ACCSL: variants seen among roughly 807,000 people sequenced by gnomAD.
ACCSL encodes the protein probable inactive 1-aminocyclopropane-1-carboxylate synthase-like protein 2.
In ACCSL, 55 loss-of-function variants were observed where a neutral mutation model predicts 61.7. That is an observed-to-expected ratio of 0.89 (90% CI 0.72 to 1.12). The LOEUF (loss-of-function observed/expected upper bound fraction) is 1.12. Ranked by LOEUF, ACCSL falls within the 50% of genes most tolerant of loss-of-function variation. The pLI, the probability that ACCSL is intolerant of heterozygous loss-of-function variation, is 0.00. For missense variants in ACCSL, 632 were observed against 698.0 expected (o/e 0.91, Z 1.07); for synonymous variants, 258 against 264.3 (o/e 0.98, Z 0.23).
At chr11:44,049,689 A>G (rs1057015512) in intron 1 of ACCSL, among the ~76,000 whole-genome samples, 2 of 152,150 alleles carry the variant, frequency 1.3e-5, no homozygotes, top group African/African-American at 4.8e-5. Context: ...GTAGAGTTCT[A>G]CTTTTCACCC....
chr11:44,024,034 A>G, the ACCSL span, among the ~76,000 whole-genome samples: 2 of 152,130 alleles, frequency 1.3e-5, no homozygotes, highest in East Asian at 3.9e-4. Context: ...ATTATACATT[A>G]TTTCTCAGTG....
chr11:44,026,880 C>T, the ACCSL span, among the ~76,000 whole-genome samples: 1 of 152,076 alleles, frequency 6.6e-6, no homozygotes, highest in Admixed American at 6.5e-5. Flanking sequence ...CAGGCATGTG[C>T]TACTACGCCT....
At position 44,048,243 on chromosome 11, in the gene ACCSL, C is replaced by A; in HGVS notation, c.207C>A (p.Ala69=). 6.2e-7 allele frequency: 1 copy of A among 1,614,160 alleles called. No homozygotes were observed. The highest frequency in any genetic ancestry group is 8.5e-7 in the Non-Finnish European group (1 of 1,180,024). The change falls in exon 1 of 14, where the codon GCC becomes GCA. Residue 69 remains alanine, a synonymous_variant. Coordinates refer to ENST00000378832, the MANE Select transcript of ACCSL (RefSeq NM_001031854.2). The part of the protein sequence containing the change: ...RHTEAICEHE[A]LLSRLICRMI... ...CTGAGGCCATCTGTGAGCATGAAGCCCTTCTGAGTCGCTTAATATGCCGGA... is the reference window on the plus strand; with the variant it reads ...CTGAGGCCATCTGTGAGCATGAAGCACTTCTGAGTCGCTTAATATGCCGGA...
chr11:43,943,940 G>C, the ACCSL span: 1 of 1,041,694 alleles, frequency 9.6e-7, no homozygotes, highest in Non-Finnish European at 1.3e-6. The surrounding 1 kb of genome is among the most constrained non-coding windows in gnomAD (Gnocchi z 4.8). Context: ...AAGACTCGGG[G>C]AGGTGGGGGA....
Position 44,048,373 on chromosome 11 carries a change from C to A in ACCSL, c.337C>A (p.Leu113Ile). Reference sequence around the variant, plus strand: ...TGTCAGATATGGGCAGAGGGCCCAACTCTCTGGGCAGCCTGATCCAGTTCC... The same window carrying A: ...TGTCAGATATGGGCAGAGGGCCCAAATCTCTGGGCAGCCTGATCCAGTTCC... The part of the protein sequence containing the change: ...GDVRYGQRAQ[L>I]SGQPDPVPQL... Residue 113 changes from leucine to isoleucine, a missense_variant, in exon 1 of 14, where the codon CTC becomes ATC. Physicochemically the swap from Leu to Ile is conservative, Grantham distance 5. Transcript: ENST00000378832. The A allele has an allele frequency of 6.2e-7, 1 of 1,614,122 alleles. No individual in the cohort carries two copies. Among genetic ancestry groups the A allele is most frequent in the Non-Finnish European group, 8.5e-7 (1 of 1,180,022 alleles).
At position 44,056,333 on chromosome 11, in the gene ACCSL, A is replaced by G. The variant is rs887560581; in HGVS notation, c.1327+7A>G. On this transcript the variant is annotated splice_region_variant and intron_variant, in intron 11 of 13. Transcript: ENST00000378832. ...CAACTGCTCCAGAACACAGGTACTG[A>G]GCTCTAGCACAGACCAGCATGTTGG... 1.2e-6 allele frequency: 2 copies of G among 1,611,998 alleles called. No homozygotes were observed. The highest frequency in any genetic ancestry group is 1.7e-6 in the Non-Finnish European group (2 of 1,179,164).
chr11:43,950,627 CTT>C, the ACCSL span, among the ~76,000 whole-genome samples: 1 of 152,240 alleles, frequency 6.6e-6, no homozygotes, highest in African/African-American at 2.4e-5. Flanking sequence ...CCGGTATTCT[CTT>C]TCTCCTTCCC....
At chr11:43,979,432 G>T in the ACCSL span, among the ~76,000 whole-genome samples, 1 of 152,332 alleles carries the variant, frequency 6.6e-6, no homozygotes, top group South Asian at 2.1e-4. Context: ...TGAGGCCCCA[G>T]TTGTTTGTGG....
the ACCSL span, among the ~76,000 whole-genome samples, chr11:43,963,212 C>T: frequency 6.6e-6 from 1 of 152,162 alleles, no homozygotes; most frequent in African/African-American, 2.4e-5. Context: ...GAAATAAGCA[C>T]GCCTAGCTAT....
chr11:44,037,136 C>G, the ACCSL span, among the ~76,000 whole-genome samples: 1 of 152,220 alleles, frequency 6.6e-6, no homozygotes, highest in Admixed American at 6.5e-5. Context: ...AACCTTGGAA[C>G]CTACAGGCCT....
At chr11:44,015,149 G>C in the ACCSL span, among the ~76,000 whole-genome samples, 3 of 152,310 alleles carry the variant, frequency 2.0e-5, no homozygotes, top group African/African-American at 7.2e-5. Context: ...TTTTTTCTGA[G>C]CACACGTGTT....
chr11:43,993,228 T>C, the ACCSL span, among the ~76,000 whole-genome samples: 2 of 152,022 alleles, frequency 1.3e-5, no homozygotes, highest in Non-Finnish European at 2.9e-5. Context: ...TCCTGGTCTA[T>C]TAGGTAGACA....
At chr11:44,023,201 A>G in the ACCSL span, among the ~76,000 whole-genome samples, 6 of 151,382 alleles carry the variant, frequency 4.0e-5, no homozygotes, top group Non-Finnish European at 8.8e-5. Context: ...ACAGGTGCAC[A>G]CCACCATGCT....
At chr11:43,963,464 A>G in the ACCSL span, among the ~76,000 whole-genome samples, 2 of 152,156 alleles carry the variant, frequency 1.3e-5, no homozygotes, top group Admixed American at 1.3e-4. Flanking sequence ...TCTCAGAGGG[A>G]GCAACTTGGA....
chr11:43,997,057 C>T, the ACCSL span, among the ~76,000 whole-genome samples: 11 of 151,730 alleles, frequency 7.2e-5, no homozygotes, highest in South Asian at 4.2e-4. Flanking sequence ...GTGATCCACC[C>T]GCCTCAGTCT....
At chr11:44,025,682 G>C in the ACCSL span, among the ~76,000 whole-genome samples, 3 of 152,130 alleles carry the variant, frequency 2.0e-5, no homozygotes, top group Non-Finnish European at 4.4e-5. Context: ...TTCCTGGCTA[G>C]CTCATACAGC....
At chr11:43,988,028 C>T in the ACCSL span, among the ~76,000 whole-genome samples, 2 of 152,008 alleles carry the variant, frequency 1.3e-5, no homozygotes, top group African/African-American at 4.8e-5. Flanking sequence ...CTGCTTTTTC[C>T]CACCCCCACA....
the ACCSL span, among the ~76,000 whole-genome samples, chr11:43,964,681 T>C: frequency 2.0e-5 from 3 of 152,010 alleles, no homozygotes; most frequent in African/African-American, 7.2e-5. Flanking sequence ...TAGATCTAGA[T>C]ACAAAAATCC....
chr11:44,011,654 T>A, the ACCSL span, among the ~76,000 whole-genome samples: 4 of 152,140 alleles, frequency 2.6e-5, no homozygotes, highest in African/African-American at 9.7e-5. Context: ...ATGCAGTCAG[T>A]TTTTCTCCTC....
Sources: allele counts gnomAD v4.1 joint callset (sites outside exome capture counted in the v4.1 genomes callset), GRCh38; gene constraint gnomAD v4.1.1; non-coding constraint Gnocchi (gnomAD v3.1); transcripts MANE v1.5; gene names NCBI Gene and HGNC (gene_info 2026-07-23, HGNC 2026-07-21).